MSTO1: variants seen among roughly 807,000 people sequenced by gnomAD.
MSTO1 encodes the protein protein misato homolog 1.
Under a neutral mutation model 55.7 loss-of-function variants are expected in MSTO1, and 24 were observed. The ratio of observed to expected loss-of-function variants is 0.43; its 90% confidence interval spans 0.31 to 0.61. The LOEUF is 0.61. Ranked by LOEUF, MSTO1 falls within the 20% of genes least tolerant of loss-of-function variation. MSTO1 has a pLI of 0.09. For synonymous variants in MSTO1, 162 were observed against 252.8 expected (o/e 0.64, Z 3.41); for missense variants, 363 against 625.7 (o/e 0.58, Z 4.48).
At chr1:155,610,010 G>A (rs1307260591), upstream of MSTO1, 11 of 545,292 alleles carry the variant, frequency 2.0e-5, no homozygotes, top group Admixed American at 1.1e-4. Flanking sequence ...CGTGGAGCAG[G>A]AGCAACGGCG....
rs923795821 is a variant in MSTO1 at position 155,614,885 on chromosome 1, G to A, written c.*612G>A. ...TGGTGGGAAACCTAAGAAAGGAGGA[G>A]GGCTGTATTCACTGATCCTTAGTAA... On this transcript the variant is annotated 3_prime_UTR_variant, in exon 14 of 14. Coordinates refer to ENST00000245564, the MANE Select transcript of MSTO1 (RefSeq NM_018116.4). 2.0e-6 allele frequency: 3 copies of A among 1,533,948 alleles called. No homozygotes were observed. Among genetic ancestry groups the A allele is most frequent in the Admixed American group, 1.9e-5 (1 of 51,638 alleles).
the MSTO1 span, among the ~76,000 whole-genome samples, chr1:155,572,302 G>A: frequency 1.3e-5 from 2 of 152,054 alleles, no homozygotes; most frequent in Admixed American, 1.3e-4. Flanking sequence ...TTGGGGGAGG[G>A]GACAAAATCC....
At chr1:155,601,834 A>C in the MSTO1 span, among the ~76,000 whole-genome samples, 1 of 152,010 alleles carries the variant, frequency 6.6e-6, no homozygotes, top group Admixed American at 6.6e-5. Context: ...GGTTCACTGC[A>C]AGCTCCGCCT....
chr1:155,577,315 C>G, the MSTO1 span, among the ~76,000 whole-genome samples: 2 of 151,974 alleles, frequency 1.3e-5, no homozygotes, highest in Non-Finnish European at 2.9e-5. Flanking sequence ...GTCTCGATCT[C>G]CTGACCTCGT....
At position 155,613,125 on chromosome 1, in the gene MSTO1, G is replaced by A. The variant is rs1206519254; in HGVS notation, c.1175G>A (p.Gly392Glu). 1 of 1,613,750 alleles carries A rather than the reference G, an allele frequency of 6.2e-7. No homozygotes were observed. Among genetic ancestry groups the A allele is most frequent in the Non-Finnish European group, 8.5e-7 (1 of 1,179,964 alleles). ...QSLPDSLMQF[G>E]GATPWTPLSA... ...CTTCCTGATTCCCTGATGCAGTTTG[G>A]AGGAGCCACCCCATGGACCCCACTG... The change falls in exon 11 of 14, where the codon GGA becomes GAA. Residue 392 changes from glycine to glutamate, a missense_variant. Gly to Glu is a moderately conservative substitution (Grantham distance 98). Transcript: ENST00000245564.
chr1:155,594,419 A>G, the MSTO1 span, among the ~76,000 whole-genome samples: 3 of 152,270 alleles, frequency 2.0e-5, no homozygotes, highest in East Asian at 5.8e-4. Flanking sequence ...AAGTAAATAA[A>G]TAAGTAAATA....
chr1:155,608,510 T>TA (rs1673038848), upstream of MSTO1, among the ~76,000 whole-genome samples: 1 of 149,950 alleles, frequency 6.7e-6, no homozygotes, highest in Admixed American at 6.6e-5. Context: ...TTTTTTTTTT[T>TA]TTTTTTTGAG....
the MSTO1 span, among the ~76,000 whole-genome samples, chr1:155,593,828 G>T: frequency 6.6e-6 from 1 of 152,100 alleles, no homozygotes; most frequent in African/African-American, 2.4e-5. Flanking sequence ...AACTAGCCGG[G>T]TGTGGTGGCA....
chr1:155,588,752 T>A, the MSTO1 span, among the ~76,000 whole-genome samples: 1 of 151,926 alleles, frequency 6.6e-6, no homozygotes, highest in Admixed American at 6.6e-5. Flanking sequence ...ATTAGTCGAG[T>A]CAGCAGGAGA....
At chr1:155,579,501 C>G in the MSTO1 span, among the ~76,000 whole-genome samples, 1 of 152,144 alleles carries the variant, frequency 6.6e-6, no homozygotes, top group Non-Finnish European at 1.5e-5. Context: ...TAGGCATTTG[C>G]TGATTGACAG....
the MSTO1 span, among the ~76,000 whole-genome samples, chr1:155,600,975 C>CTTTTTTT: frequency 8.4e-6 from 1 of 119,132 alleles, no homozygotes; most frequent in Admixed American, 8.7e-5. Context: ...TGTGCTAGGC[C>CTTTTTTT]TTTTTTTTTT....
chr1:155,613,032 C>T lies in MSTO1; in HGVS notation c.1099-17C>T, dbSNP rs555340452. 4 of 1,613,840 alleles carry T rather than the reference C, an allele frequency of 2.5e-6. No homozygotes were observed. The highest frequency in any genetic ancestry group is 3.4e-6 in the Non-Finnish European group (4 of 1,179,998). ...CTGAGAAAATGTCCTATAACGTGTTCTCTTCCATCTCTTTAGGTGGTGACA... is the reference window on the plus strand; with the variant it reads ...CTGAGAAAATGTCCTATAACGTGTTTTCTTCCATCTCTTTAGGTGGTGACA... On this transcript the variant is annotated splice_polypyrimidine_tract_variant and intron_variant, in intron 10 of 13. Coordinates refer to ENST00000245564, the MANE Select transcript of MSTO1 (RefSeq NM_018116.4).
the MSTO1 span, among the ~76,000 whole-genome samples, chr1:155,599,988 T>C: frequency 1.3e-5 from 2 of 152,250 alleles, no homozygotes; most frequent in Non-Finnish European, 2.9e-5. Flanking sequence ...AGACATTCCA[T>C]TGCCCAGGGA....
At chr1:155,600,175 C>T in the MSTO1 span, among the ~76,000 whole-genome samples, 5 of 152,236 alleles carry the variant, frequency 3.3e-5, no homozygotes, top group African/African-American at 1.2e-4. Flanking sequence ...TTGGACAATA[C>T]CTGGCTTTCC....
the MSTO1 span, among the ~76,000 whole-genome samples, chr1:155,571,352 C>A: frequency 6.6e-6 from 1 of 152,054 alleles, no homozygotes; most frequent in South Asian, 2.1e-4. Flanking sequence ...AGCTCATCAG[C>A]TGTTGTTAGT....
the MSTO1 span, among the ~76,000 whole-genome samples, chr1:155,584,732 G>A: frequency 7.0e-6 from 1 of 141,940 alleles, no homozygotes; most frequent in African/African-American, 2.5e-5. Context: ...GAATTTATAT[G>A]AGTCTGTACC....
At chr1:155,571,170 A>G in the MSTO1 span, among the ~76,000 whole-genome samples, 1 of 152,094 alleles carries the variant, frequency 6.6e-6, no homozygotes, top group Admixed American at 6.6e-5. Flanking sequence ...AAAAGTAAAA[A>G]TTAGCCAGTC....
chr1:155,593,604 C>T, the MSTO1 span, among the ~76,000 whole-genome samples: 1,384 of 152,314 alleles, frequency 9.1e-3, 8 homozygotes, highest in Middle Eastern at 0.02. Context: ...ATGTACAATA[C>T]TGTATTGCCT....
chr1:155,567,582 G>A, the MSTO1 span, among the ~76,000 whole-genome samples: 1 of 151,770 alleles, frequency 6.6e-6, no homozygotes, highest in Admixed American at 6.6e-5. Context: ...TTACAGGCGT[G>A]AGCCACCGCG....
Sources: allele counts gnomAD v4.1 joint callset (sites outside exome capture counted in the v4.1 genomes callset), GRCh38; gene constraint gnomAD v4.1.1; transcripts MANE v1.5; gene names NCBI Gene and HGNC (gene_info 2026-07-23, HGNC 2026-07-21).